Variants in CDH7 observed in about 807,000 individuals in gnomAD.
CDH7 encodes the protein cadherin 7.
In CDH7, 25 loss-of-function variants were observed where a neutral mutation model predicts 71.8. The ratio of observed to expected loss-of-function variants is 0.35; its 90% CI spans 0.25 to 0.49. The LOEUF (loss-of-function observed/expected upper bound fraction) is 0.49, where lower values mean the gene tolerates loss of function less well. CDH7 is among the 20% of genes least tolerant of loss of function. The pLI, the probability that CDH7 is intolerant of heterozygous loss-of-function variation, is 0.99. For synonymous variants in CDH7, 381 were observed against 363.8 expected, an observed-to-expected ratio of 1.05 and a Z score of -0.54; for missense variants, 862 against 974.6, an observed-to-expected ratio of 0.88 and a Z score of 1.54.
intron 3 of CDH7, among the ~76,000 whole-genome samples, chr18:65,811,809 T>C (rs1911548000): frequency 6.6e-6 from 1 of 152,090 alleles, no homozygotes; most frequent in South Asian, 2.1e-4. Flanking sequence ...TTTTAGAAGC[T>C]AATAGTGCAC....
rs1261757242 is a variant in CDH7 at position 65,889,763 on chromosome 18, G to A, written c.*8869G>A. 6.6e-6 allele frequency: 1 copy of A among 152,126 alleles called. No homozygotes were observed. The highest frequency in any genetic ancestry group is 1.5e-5 in the Non-Finnish European group (1 of 68,028). The allele number at this position is 152,126 out of a possible 1,614,324, so 9.4% of individuals were successfully genotyped here. ...ACTATATTAGACACTGTGCAAGAAG[G>A]AACTTGTGAAGCTAAAAAATAGAAT... is the stretch of plus-strand genomic sequence containing the variant. On this transcript the variant is annotated 3_prime_UTR_variant, in exon 12 of 12. Transcript: ENST00000397968.
chr18:65,843,718 C>A, intron 6 of CDH7, 94 bp from the exon 7 acceptor site: 1 of 1,140,920 alleles, frequency 8.8e-7, no homozygotes, highest in Non-Finnish European at 1.2e-6. Context: ...ATGACAGAGT[C>A]CTTCCTAAGC....
At chr18:65,807,850 G>A (rs555301120) in intron 2 of CDH7, among the ~76,000 whole-genome samples, 2 of 151,862 alleles carry the variant, frequency 1.3e-5, no homozygotes, top group Non-Finnish European at 2.9e-5. Flanking sequence ...TGAAGATTTG[G>A]GGGGGTGATC....
intron 7 of CDH7, among the ~76,000 whole-genome samples, chr18:65,850,813 C>CT (rs370158021): frequency 0.036 from 4,933 of 137,794 alleles, 213 homozygotes; most frequent in African/African-American, 0.1. Flanking sequence ...CATTTTTATT[C>CT]TTTTTTTTTT....
intron 2 of CDH7, among the ~76,000 whole-genome samples, chr18:65,800,686 T>A (rs868863979): frequency 1.3e-5 from 2 of 152,176 alleles, no homozygotes; most frequent in African/African-American, 4.8e-5. Flanking sequence ...CTATACTCTT[T>A]AAAATTTTTT....
At chr18:65,812,000 C>T (rs548878773) in intron 3 of CDH7, among the ~76,000 whole-genome samples, 1 of 112,834 alleles carries the variant, frequency 8.9e-6, no homozygotes, top group African/African-American at 3.4e-5. Flanking sequence ...GATGGAGTCT[C>T]ACTCTGTTGA....
chr18:65,802,128 G>A (rs557692119), intron 2 of CDH7, among the ~76,000 whole-genome samples: 1 of 152,258 alleles, frequency 6.6e-6, no homozygotes, highest in South Asian at 2.1e-4. Context: ...ATTCAAAAGA[G>A]TTTTCATGTA....
rs746664655 is a variant in CDH7, at chr18:65,824,658, A to G, written c.808A>G (p.Asn270Asp). The change falls in exon 6 of 12, where the codon AAC (asparagine) becomes GAC (aspartate). Residue 270 changes from asparagine to aspartate, a missense_variant. Transcript: ENST00000397968. ...GAATTTCACAGGGTCTTATCAATAT[A>G]ACGTCCCAGAGTCATTACCTGTAGC... The part of the protein sequence containing the change: ...PRFPRRSYQY[N>D]VPESLPVASV... 4.4e-6 allele frequency: 7 copies of G among 1,577,292 alleles called. No individual in the cohort carries two copies. The highest frequency in any genetic ancestry group is 6.0e-6 in the Non-Finnish European group (7 of 1,160,304).
intron 6 of CDH7, among the ~76,000 whole-genome samples, chr18:65,826,257 A>G (rs1912127063): frequency 6.6e-6 from 1 of 151,406 alleles, no homozygotes; most frequent in African/African-American, 2.4e-5. Context: ...CAATAGAAAA[A>G]CATCACAAAT....
chr18:65,775,416 A>G (rs1057305969), intron 2 of CDH7, among the ~76,000 whole-genome samples: 6 of 152,242 alleles, frequency 3.9e-5, no homozygotes, highest in African/African-American at 1.4e-4. Context: ...CTTGTTTTAT[A>G]TACAGCAAAC....
At chr18:65,851,451 T>C (rs1463023748) in intron 7 of CDH7, among the ~76,000 whole-genome samples, 1 of 152,208 alleles carries the variant, frequency 6.6e-6, no homozygotes, top group Non-Finnish European at 1.5e-5. Context: ...CACTTTCTGT[T>C]TGTGAACACT....
At chr18:65,809,561 T>C in intron 2 of CDH7, 143 bp from the exon 3 acceptor site, 2 of 660,236 alleles carry the variant, frequency 3.0e-6, no homozygotes, top group Non-Finnish European at 5.2e-6. Flanking sequence ...GCCTTTCTGC[T>C]GTGCACAATA....
chr18:65,859,945 C>A, intron 10 of CDH7, 120 bp downstream of exon 10: 2 of 607,962 alleles, frequency 3.3e-6, no homozygotes, highest in South Asian at 2.0e-5. Context: ...AATTAAAGGG[C>A]AATGAGCACC....
intron 2 of CDH7, among the ~76,000 whole-genome samples, chr18:65,799,301 C>T (rs1026036647): frequency 1.3e-5 from 2 of 152,044 alleles, no homozygotes; most frequent in African/African-American, 4.8e-5. Flanking sequence ...GGCAGACATA[C>T]CTTGTGAACC....
intron 11 of CDH7, among the ~76,000 whole-genome samples, chr18:65,867,858 C>T (rs184998151): frequency 6.6e-6 from 1 of 152,304 alleles, no homozygotes; most frequent in East Asian, 1.9e-4. Flanking sequence ...TTGCTGTTTA[C>T]TGCATGGGAT....
chr18:65,826,553 CAA>C (rs34822444), intron 6 of CDH7, among the ~76,000 whole-genome samples: 99,133 of 150,794 alleles, frequency 0.66, 33,358 homozygotes, highest in East Asian at 0.96. Flanking sequence ...CAAACTTTTA[CAA>C]AGTCTTTCAC....
chr18:65,823,326 G>A (rs182901881), intron 5 of CDH7, among the ~76,000 whole-genome samples: 2 of 151,788 alleles, frequency 1.3e-5, no homozygotes, highest in African/African-American at 2.4e-5. Flanking sequence ...TGGAGAAGGA[G>A]GGACTTTTAG....
chr18:65,771,205 G>T (rs751426504), intron 2 of CDH7, among the ~76,000 whole-genome samples: 7 of 152,072 alleles, frequency 4.6e-5, no homozygotes, highest in Non-Finnish European at 8.8e-5. Context: ...TCTGAAAGGG[G>T]GAGGGTCACG....
In CDH7 at chr18:65,888,731, T is replaced by G. The variant is rs1914435405; in HGVS notation, c.*7837T>G. ...AAAACTTTGATGCCCAGAATAACTGTAACTTATGCAAACACACACACACAC... is the reference window on the plus strand; with the variant it reads ...AAAACTTTGATGCCCAGAATAACTGGAACTTATGCAAACACACACACACAC... On this transcript the variant is annotated 3_prime_UTR_variant, in exon 12 of 12. Transcript: ENST00000397968. 1 of 130,054 alleles carries G rather than the reference T, an allele frequency of 7.7e-6. No individual in the cohort carries two copies. Among genetic ancestry groups the G allele is most frequent in the South Asian group, 2.9e-4 (1 of 3,412 alleles). 8.1% of individuals were successfully genotyped at this position (130,054 alleles called of 1,614,324 possible).
Sources: allele counts gnomAD v4.1 joint callset (sites outside exome capture counted in the v4.1 genomes callset), GRCh38; gene constraint gnomAD v4.1.1; transcripts MANE v1.5; gene names NCBI Gene and HGNC (gene_info 2026-07-23, HGNC 2026-07-21).